ERBB4: variants seen among roughly 807,000 people sequenced by gnomAD.
ERBB4 encodes the protein erb-b2 receptor tyrosine kinase 4, also known as receptor tyrosine-protein kinase erbB-4.
ERBB4 carries 42 observed loss-of-function variants against 158.0 expected under a neutral mutation model. That is an observed-to-expected ratio of 0.27 (90% CI 0.21 to 0.34). ERBB4 has a LOEUF of 0.34. ERBB4 is among the 10% of genes least tolerant of loss of function. The pLI is 1.00. For synonymous variants in ERBB4, 583 were observed against 558.7 expected (o/e 1.04, Z -0.61); for missense variants, 1,333 against 1,624.1 (o/e 0.82, Z 3.08).
At chr2:211,944,108 CTA>C (rs35918167) in intron 3 of ERBB4, among the ~76,000 whole-genome samples, 40,405 of 132,590 alleles carry the variant, frequency 0.3, 7,802 homozygotes, top group African/African-American at 0.56. Flanking sequence ...CATGGTTACA[CTA>C]TATATATATA....
chr2:212,250,876 G>T lies in ERBB4; in HGVS notation c.83-125973C>A, dbSNP rs566361099. 2.0e-5 allele frequency among the ~76,000 whole-genome samples: 3 copies of T among 151,956 alleles called. No individual in the cohort carries two copies. The South Asian group carries it at 6.2e-4, about 32-fold the overall frequency. Reference sequence around the variant, plus strand: ...CTCCCCTGTTTTCTTATTTCCATTTGTCAAAATTAAATACTACTAACACAG... The same window carrying T: ...CTCCCCTGTTTTCTTATTTCCATTTTTCAAAATTAAATACTACTAACACAG... On this transcript the variant is annotated intron_variant, in intron 1 of 27. Transcript: ENST00000342788.
chr2:211,436,595 T>C (rs2063861001), intron 20 of ERBB4, among the ~76,000 whole-genome samples: 1 of 152,202 alleles, frequency 6.6e-6, no homozygotes, highest in Non-Finnish European at 1.5e-5. Context: ...GCTCCATGGA[T>C]AGCTATCAAC....
intron 1 of ERBB4, among the ~76,000 whole-genome samples, chr2:212,344,801 A>G (rs550739245): frequency 4.1e-4 from 62 of 152,252 alleles, no homozygotes; most frequent in Non-Finnish European, 7.2e-4. Context: ...CTGGCTTTCA[A>G]ATCAGAAAGA....
intron 3 of ERBB4, among the ~76,000 whole-genome samples, chr2:211,931,194 G>A (rs1015838775): frequency 1.3e-5 from 2 of 151,944 alleles, no homozygotes; most frequent in East Asian, 3.9e-4. Context: ...GTCATCAAAA[G>A]TTTTTCCTTT....
chr2:211,402,730 T>G (rs772717669), intron 25 of ERBB4, among the ~76,000 whole-genome samples: 1 of 151,852 alleles, frequency 6.6e-6, no homozygotes, highest in South Asian at 2.1e-4. Context: ...TGCAATAAAG[T>G]TTTAAAATGT....
chr2:212,040,272 A>G (rs2077107644), intron 2 of ERBB4, among the ~76,000 whole-genome samples: 1 of 152,030 alleles, frequency 6.6e-6, no homozygotes, highest in South Asian at 2.1e-4. Flanking sequence ...TTTCTGATGG[A>G]AAGTAACACA....
intron 17 of ERBB4, among the ~76,000 whole-genome samples, chr2:211,627,702 G>A (rs1407634083): frequency 3.3e-5 from 5 of 152,264 alleles, no homozygotes; most frequent in South Asian, 2.1e-4. Flanking sequence ...CGTTGGATAA[G>A]CTTATCTCAG....
chr2:212,056,612 G>A (rs1230773033), intron 2 of ERBB4, among the ~76,000 whole-genome samples: 1 of 152,190 alleles, frequency 6.6e-6, no homozygotes, highest in East Asian at 1.9e-4. Flanking sequence ...GAAGAGAGTG[G>A]AGACCAATAT....
intron 3 of ERBB4, among the ~76,000 whole-genome samples, chr2:211,898,432 G>A (rs1338565505): frequency 1.3e-5 from 2 of 152,098 alleles, no homozygotes; most frequent in Admixed American, 1.3e-4. Flanking sequence ...ATATTACAGA[G>A]GCATAATAGA....
At chr2:212,249,805 A>G (rs2084461773) in intron 1 of ERBB4, among the ~76,000 whole-genome samples, 1 of 152,050 alleles carries the variant, frequency 6.6e-6, no homozygotes, top group Admixed American at 6.6e-5. Flanking sequence ...AGCTGACCTC[A>G]GAAACACTGC....
chr2:212,060,861 A>G (rs1306939140), intron 2 of ERBB4, among the ~76,000 whole-genome samples: 2 of 151,094 alleles, frequency 1.3e-5, no homozygotes, highest in African/African-American at 4.8e-5. Context: ...CCTAATGTAA[A>G]TGAGGAGTTA....
chr2:211,580,854 AG>A (rs1173577930), intron 19 of ERBB4, among the ~76,000 whole-genome samples: 49,733 of 74,434 alleles, frequency 0.67, 20,770 homozygotes, highest in East Asian at 0.87. Context: ...TTATATATAT[AG>A]TATGCATATA....
Position 211,947,484 on chromosome 2 carries a change from A to G in ERBB4, c.367T>C (p.Tyr123His). Residue 123 changes from tyrosine to histidine, a missense_variant, in exon 3 of 28, where the codon TAC becomes CAC. This residue lies in a region of ERBB4 where 438 missense variants were observed against 586.9 expected (regional missense o/e 0.75). Transcript: ENST00000342788. ...DRYALAIFLNYRKDGNFGLQE... is the reference protein window; with the variant it reads ...DRYALAIFLNHRKDGNFGLQE... The stretch of plus-strand genomic sequence containing the variant: ...AGTCCAAAGTTTCCATCTTTTCTGT[A>G]GTTTAAAAATATTGCCAAGGCATAT... 6.2e-7 allele frequency: 1 copy of G among 1,613,844 alleles called. No homozygotes were observed.
In ERBB4 at chr2:211,667,756, G is replaced by A. The variant is rs536199176; in HGVS notation, c.1717-2279C>T. On this transcript the variant is annotated intron_variant, in intron 14 of 27. Coordinates refer to ENST00000342788, the MANE Select transcript of ERBB4 (RefSeq NM_005235.3). ...ATTAGGAATTATTCTTCTAAGTAAT[G>A]TAAATGTATTTTTCTTATAATGTAA... 5.3e-5 allele frequency among the ~76,000 whole-genome samples: 8 copies of A among 152,284 alleles called. No individual in the cohort carries two copies. In the South Asian group the frequency reaches 1.0e-3, roughly 20 times the overall value.
chr2:212,301,040 T>C (rs2086599960), intron 1 of ERBB4, among the ~76,000 whole-genome samples: 1 of 151,398 alleles, frequency 6.6e-6, no homozygotes, highest in African/African-American at 2.4e-5. Flanking sequence ...GTGTTTCCCA[T>C]AAACTATGTT....
At chr2:212,342,922 G>C (rs182987292) in intron 1 of ERBB4, among the ~76,000 whole-genome samples, 3 of 152,020 alleles carry the variant, frequency 2.0e-5, no homozygotes, top group Non-Finnish European at 4.4e-5. Context: ...CCATTTATGT[G>C]TTCTCTTTTA....
chr2:211,513,868 A>G (rs1168108209), intron 20 of ERBB4, among the ~76,000 whole-genome samples: 1 of 152,046 alleles, frequency 6.6e-6, no homozygotes, highest in African/African-American at 2.4e-5. Context: ...AAAAAATTGT[A>G]CAGTTATTGT....
chr2:211,637,658 G>A (rs2070411221), intron 16 of ERBB4, among the ~76,000 whole-genome samples: 1 of 151,660 alleles, frequency 6.6e-6, no homozygotes, highest in South Asian at 2.1e-4. Flanking sequence ...TCCAATACTT[G>A]TATATTTTAT....
At chr2:211,963,695 T>G (rs1424126002) in intron 2 of ERBB4, among the ~76,000 whole-genome samples, 2 of 152,102 alleles carry the variant, frequency 1.3e-5, no homozygotes, top group Non-Finnish European at 2.9e-5. Flanking sequence ...TTTTCTATGT[T>G]GATTTGATTT....
Sources: gnomAD v4.1 joint callset for allele counts (sites outside exome capture counted in the v4.1 genomes callset) on GRCh38, gnomAD v4.1.1 for gene constraint, gnomAD v4.1.1 regional missense constraint, MANE v1.5 for transcripts, NCBI Gene and HGNC (gene_info 2026-07-23, HGNC 2026-07-21) for gene names.